MARCHF8: variants seen among roughly 807,000 people sequenced by gnomAD.
MARCHF8 encodes the protein membrane associated ring-CH-type finger 8.
MARCHF8 carries 40 observed loss-of-function variants against 51.6 expected under a neutral mutation model. The observed-to-expected ratio is 0.77, with a 90% CI of 0.60 to 1.01. MARCHF8 has a LOEUF of 1.01. Among genes scored for constraint, MARCHF8 ranks in the 50% least tolerant of loss-of-function variants. MARCHF8 has a pLI of 0.00. For synonymous variants in MARCHF8, 263 were observed against 280.3 expected, an observed-to-expected ratio of 0.94 and a Z score of 0.62; for missense variants, 685 against 708.6, an observed-to-expected ratio of 0.97 and a Z score of 0.38.
chr10:45,556,494 C>G (rs1052530350), intron 1 of MARCHF8, among the ~76,000 whole-genome samples: 1 of 152,188 alleles, frequency 6.6e-6, no homozygotes, highest in East Asian at 1.9e-4. Flanking sequence ...AGGCACAAGG[C>G]GGTTCACGGT....
At chr10:45,511,331 A>C (rs989994144) in intron 2 of MARCHF8, among the ~76,000 whole-genome samples, 2 of 152,202 alleles carry the variant, frequency 1.3e-5, no homozygotes, top group African/African-American at 2.4e-5. Flanking sequence ...AATATAAGTC[A>C]GAATTCATTT....
Position 45,458,358 on chromosome 10 carries a change from A to G in MARCHF8, c.1603T>C (p.Ser535Pro). ...TCAAAGTTGGGCTCTGTTAGTGGAG[A>G]TTTTTCAAAAATATTCTTTTTGCTT... is the stretch of plus-strand genomic sequence containing the variant. Reference protein sequence around the residue: ...ETSKKNIFEKSPLTEPNFENK... With the variant: ...ETSKKNIFEKPPLTEPNFENK... The change falls in exon 8 of 8, where the codon TCT becomes CCT. Residue 535 changes from serine (S) to proline (P), a missense_variant. Physicochemically the swap from Ser to Pro is moderately conservative, Grantham distance 74 (BLOSUM62 -1). Coordinates refer to ENST00000453424, the MANE Select transcript of MARCHF8 (RefSeq NM_001282866.2). 2 of 1,614,042 alleles carry G rather than the reference A, an allele frequency of 1.2e-6. No individual in the cohort carries two copies. Among genetic ancestry groups the G allele is most frequent in the East Asian group, 4.5e-5 (2 of 44,880 alleles).
At chr10:45,588,982 G>C (rs915414720) in intron 1 of MARCHF8, among the ~76,000 whole-genome samples, 1 of 113,092 alleles carries the variant, frequency 8.8e-6, no homozygotes, top group African/African-American at 3.6e-5. Flanking sequence ...CTGGGTGACA[G>C]AGCAAGACTA....
chr10:45,584,346 A>C (rs956148756), intron 1 of MARCHF8, among the ~76,000 whole-genome samples: 8 of 151,838 alleles, frequency 5.3e-5, no homozygotes, highest in African/African-American at 1.2e-4. Context: ...ATACATACAG[A>C]ATAAAATTAT....
At chr10:45,555,502 C>T (rs568102548) in intron 1 of MARCHF8, among the ~76,000 whole-genome samples, 1 of 151,286 alleles carries the variant, frequency 6.6e-6, no homozygotes, top group South Asian at 2.1e-4. Context: ...TTTGTGAGGC[C>T]GAGGTAGGAA....
intron 2 of MARCHF8, among the ~76,000 whole-genome samples, chr10:45,509,907 G>A (rs1244147617): frequency 1.3e-5 from 2 of 152,168 alleles, no homozygotes; most frequent in South Asian, 2.1e-4. Flanking sequence ...TAAAGAAAAC[G>A]TGCAGCAGAG....
At chr10:45,593,141 C>T (rs761301540) in intron 1 of MARCHF8, among the ~76,000 whole-genome samples, 55 of 148,292 alleles carry the variant, frequency 3.7e-4, no homozygotes, top group Non-Finnish European at 1.5e-4. Context: ...CACTAGGTCA[C>T]CTTGGGTACC....
intron 1 of MARCHF8, among the ~76,000 whole-genome samples, chr10:45,588,385 T>C (rs920412168): frequency 1.3e-5 from 2 of 152,210 alleles, no homozygotes; most frequent in African/African-American, 4.8e-5. Context: ...GCCTTGATGA[T>C]TCTTTTTTGA....
intron 1 of MARCHF8, among the ~76,000 whole-genome samples, chr10:45,572,342 T>C (rs531089234): frequency 1.3e-5 from 2 of 152,192 alleles, no homozygotes; most frequent in African/African-American, 4.8e-5. Flanking sequence ...CCTCCTTCAC[T>C]ATAGGCAACC....
At chr10:45,569,685 G>A (rs74130843) in intron 1 of MARCHF8, among the ~76,000 whole-genome samples, 4,349 of 152,058 alleles carry the variant, frequency 0.029, 226 homozygotes, top group African/African-American at 0.099. Context: ...CAAATTTTTC[G>A]CTACTCTGTA....
intron 2 of MARCHF8, among the ~76,000 whole-genome samples, chr10:45,489,879 T>C (rs1261308415): frequency 6.6e-6 from 1 of 152,114 alleles, no homozygotes; most frequent in East Asian, 1.9e-4. Context: ...TCCTGGGGTG[T>C]CTGGCTAACA....
intron 2 of MARCHF8, among the ~76,000 whole-genome samples, chr10:45,523,173 TAAC>T (rs1481860511): frequency 6.6e-6 from 1 of 152,188 alleles, no homozygotes; most frequent in Non-Finnish European, 1.5e-5. Flanking sequence ...CAAAAGCCAT[TAAC>T]AACGATTACA....
At chr10:45,540,578 T>G (rs1202177044) in intron 1 of MARCHF8, among the ~76,000 whole-genome samples, 1 of 152,076 alleles carries the variant, frequency 6.6e-6, no homozygotes, top group African/African-American at 2.4e-5. Flanking sequence ...GGGATCTAAT[T>G]AAACTAAAGA....
At chr10:45,585,464 A>G (rs2133435221) in intron 1 of MARCHF8, among the ~76,000 whole-genome samples, 1 of 152,356 alleles carries the variant, frequency 6.6e-6, no homozygotes, top group East Asian at 1.9e-4. Context: ...GGAATAAAAA[A>G]GCAAATGAAA....
At chr10:45,513,231 AT>A (rs1301744351) in intron 2 of MARCHF8, among the ~76,000 whole-genome samples, 2 of 151,956 alleles carry the variant, frequency 1.3e-5, no homozygotes, top group African/African-American at 4.8e-5. Context: ...TTAAAAAAAA[AT>A]AAATAAAATA....
chr10:45,567,915 A>G (rs941850914), intron 1 of MARCHF8, among the ~76,000 whole-genome samples: 2 of 152,154 alleles, frequency 1.3e-5, no homozygotes, highest in Non-Finnish European at 2.9e-5. Flanking sequence ...CAATCCATGA[A>G]CATGTAATAT....
At chr10:45,540,889 C>G (rs949808342) in intron 1 of MARCHF8, among the ~76,000 whole-genome samples, 19 of 152,074 alleles carry the variant, frequency 1.2e-4, no homozygotes, top group Non-Finnish European at 2.4e-4. Context: ...ACACCAGTTA[C>G]AATGGCGATC....
intron 2 of MARCHF8, among the ~76,000 whole-genome samples, chr10:45,514,404 T>C (rs2043585750): frequency 6.6e-6 from 1 of 152,264 alleles, no homozygotes; most frequent in Non-Finnish European, 1.5e-5. Flanking sequence ...ACATGGTCCC[T>C]GTGCTTGATG....
chr10:45,581,727 C>T (rs577114846), intron 1 of MARCHF8, among the ~76,000 whole-genome samples: 1 of 152,186 alleles, frequency 6.6e-6, no homozygotes, highest in South Asian at 2.1e-4. Context: ...CTCAACAGGC[C>T]CTTCCTACTA....
Sources: allele counts gnomAD v4.1 joint callset (sites outside exome capture counted in the v4.1 genomes callset), GRCh38; gene constraint gnomAD v4.1.1; transcripts MANE v1.5; gene names NCBI Gene and HGNC (gene_info 2026-07-23, HGNC 2026-07-21).